ADGRG2: variants seen among roughly 807,000 people sequenced by gnomAD.
The protein encoded by ADGRG2 is adhesion G protein-coupled receptor G2.
In ADGRG2, 26 loss-of-function variants were observed where a neutral mutation model predicts 74.1. The ratio of observed to expected loss-of-function variants is 0.35; its 90% CI spans 0.26 to 0.49. The LOEUF is 0.49. Among genes scored for constraint, ADGRG2 ranks in the 20% least tolerant of loss-of-function variants. ADGRG2 has a pLI of 0.99. For synonymous variants in ADGRG2, 296 were observed against 295.2 expected, an observed-to-expected ratio of 1.00 and a Z score of -0.03; for missense variants, 619 against 763.1, an observed-to-expected ratio of 0.81 and a Z score of 2.22.
At position 19,058,480 on chromosome X, in the gene ADGRG2, G is replaced by A. The variant is rs1252903534; in HGVS notation, c.118+10237C>T. On this transcript the variant is annotated intron_variant, in intron 3 of 28. Transcript: ENST00000379869. ...TAATTGAAAGACAACAGAGCTATGT[G>A]TTCAATTCCTGTTCATTCAATTAAT... 2.7e-5 allele frequency among the ~76,000 whole-genome samples: 3 copies of A among 111,378 alleles called. No homozygotes were observed. In the East Asian group the frequency reaches 8.4e-4, roughly 31 times the overall value.
intron 3 of ADGRG2, among the ~76,000 whole-genome samples, chrX:19,050,763 C>T (rs957189883): frequency 1.3e-4 from 15 of 111,388 alleles, no homozygotes; most frequent in African/African-American, 4.9e-4. Context: ...TGTCCAGATC[C>T]CACCCCTGAT....
intron 15 of ADGRG2, among the ~76,000 whole-genome samples, chrX:19,018,293 GTTTT>G (rs749928491): frequency 2.9e-5 from 3 of 104,472 alleles, no homozygotes; most frequent in Admixed American, 1.0e-4. Flanking sequence ...TTGTTTGTTT[GTTTT>G]TTTTTAATTT....
At chrX:19,033,471 G>C (rs1172590515) in intron 8 of ADGRG2, 142 bp downstream of exon 8, 8 of 410,168 alleles carry the variant, frequency 2.0e-5, no homozygotes, top group Non-Finnish European at 3.0e-5. Flanking sequence ...CAGGTACCCA[G>C]TGCATACACA....
At chrX:19,035,024 C>G (rs1052541386) in intron 7 of ADGRG2, 1 of 112,057 alleles carries the variant, frequency 8.9e-6, no homozygotes, top group Non-Finnish European at 1.9e-5. Context: ...AAATGAACTT[C>G]TGGTTTTGGT....
intron 1 of ADGRG2, among the ~76,000 whole-genome samples, chrX:19,117,646 G>A (rs943176602): frequency 4.5e-5 from 5 of 110,159 alleles, no homozygotes; most frequent in African/African-American, 9.9e-5. Context: ...GCAAAACCCC[G>A]TCTCTACTAA....
At chrX:19,023,775 A>T (rs1037039432) in intron 12 of ADGRG2, 134 bp downstream of exon 12, 13 of 483,541 alleles carry the variant, frequency 2.7e-5, no homozygotes, top group Non-Finnish European at 4.7e-5. Context: ...GAATAAAAAA[A>T]CTAGTCCATT....
intron 3 of ADGRG2, among the ~76,000 whole-genome samples, chrX:19,054,406 C>T (rs1423529061): frequency 8.9e-6 from 1 of 112,015 alleles, no homozygotes; most frequent in African/African-American, 3.2e-5. Context: ...CTAGGGGTCA[C>T]AGGCTGGCTT....
At position 19,008,099 on chromosome X, in the gene ADGRG2, C is replaced by G; in HGVS notation, c.1447G>C (p.Glu483Gln). The change falls in exon 19 of 29, where the codon GAG becomes CAG. Residue 483 changes from glutamate to glutamine, a missense_variant. Coordinates refer to ENST00000379869, the MANE Select transcript of ADGRG2 (RefSeq NM_001079858.3). ...LQVSLETQAP[E>Q]NSIGTITLPS... is the part of the protein sequence containing the mutation. ...AGAGTAATTGTGCCAATACTGTTCT[C>G]AGGAGCTTGGGTTTCCAGAGAAACC... is the stretch of plus-strand genomic sequence containing the variant. 2 of 1,191,220 alleles carry G rather than the reference C, an allele frequency of 1.7e-6. No individual in the cohort carries two copies. Among genetic ancestry groups the G allele is most frequent in the South Asian group, 3.7e-5 (2 of 53,733 alleles).
chrX:19,026,164 A>G (rs1258506331), intron 11 of ADGRG2, among the ~76,000 whole-genome samples: 2 of 112,276 alleles, frequency 1.8e-5, no homozygotes, highest in Non-Finnish European at 3.8e-5. Context: ...GCATTGCTGA[A>G]TCATTAGATG....
At chrX:19,018,358 A>G (rs1448302325) in intron 15 of ADGRG2, among the ~76,000 whole-genome samples, 2 of 110,216 alleles carry the variant, frequency 1.8e-5, no homozygotes, top group African/African-American at 3.3e-5. Flanking sequence ...CTTGAGCTCA[A>G]GCAGTTCTCC....
chrX:19,013,111 G>A (rs1179316454), intron 16 of ADGRG2, among the ~76,000 whole-genome samples: 1 of 111,350 alleles, frequency 9.0e-6, no homozygotes, highest in African/African-American at 3.3e-5. Flanking sequence ...GGTCTTCACA[G>A]TGTTTCTCCC....
At chrX:19,060,885 T>C (rs767296401) in intron 3 of ADGRG2, among the ~76,000 whole-genome samples, 10 of 111,491 alleles carry the variant, frequency 9.0e-5, no homozygotes, top group African/African-American at 2.6e-4. Flanking sequence ...GTGATTCCAA[T>C]GTGCACCCAA....
At chrX:19,000,301 A>G (rs2060104708) in intron 24 of ADGRG2, among the ~76,000 whole-genome samples, 1 of 111,845 alleles carries the variant, frequency 8.9e-6, no homozygotes, top group African/African-American at 3.2e-5. Flanking sequence ...CCGGCTGGTC[A>G]CACCTAGTTC....
Position 19,010,626 on chromosome X carries a change from G to C in ADGRG2, c.1252C>G (p.Pro418Ala), listed in dbSNP as rs1325370295. 8.3e-7 allele frequency: 1 copy of C among 1,203,849 alleles called. No homozygotes were observed. The highest frequency in any genetic ancestry group is 1.1e-6 in the Non-Finnish European group (1 of 892,284). ...LLHSPPDMLAPLAQRLLKVVD... is the reference protein window; with the variant it reads ...LLHSPPDMLAALAQRLLKVVD... ...GCGAAGTCGTACCTTTGAGCCAGAG[G>C]GGCCAGCATGTCAGGCGGGGAATGA... The change falls in exon 17 of 29, where the codon CCT becomes GCT. Residue 418 changes from proline to alanine, a missense_variant. By Grantham distance (27) the Pro-to-Ala change is conservative (BLOSUM62 -1). Around this residue, in one of 3 missense-constraint regions of ADGRG2, gnomAD observed 292 missense variants for 318.0 expected, o/e 0.92. Coordinates refer to ENST00000379869, the MANE Select transcript of ADGRG2 (RefSeq NM_001079858.3).
chrX:18,998,274 A>G (rs2060054888), intron 26 of ADGRG2, among the ~76,000 whole-genome samples: 1 of 111,670 alleles, frequency 9.0e-6, no homozygotes, highest in East Asian at 2.8e-4. Flanking sequence ...TCCCACAGGC[A>G]CAGTCATGGT....
At chrX:18,992,925 A>C (rs1206412654) in intron 28 of ADGRG2, among the ~76,000 whole-genome samples, 1 of 111,905 alleles carries the variant, frequency 8.9e-6, no homozygotes. Context: ...ATGGATTCAG[A>C]GCCCCAGATG....
chrX:18,991,013 TAA>T lies in ADGRG2; in HGVS notation c.2903_2904del (p.Phe968Ter). ...NASTERNGVS[F>X]SVQNGDVCLH... ...AGGCACACATCTCCATTCTGAACAC[TAA>T]AAGAGACCCCATTCCTCTCTGTAGA... On this transcript the variant is annotated frameshift_variant, in exon 29 of 29. Coordinates refer to ENST00000379869, the MANE Select transcript of ADGRG2 (RefSeq NM_001079858.3). LOFTEE classifies it high-confidence loss of function. 8.3e-7 allele frequency: 1 copy of T among 1,198,936 alleles called. No homozygotes were observed. Among genetic ancestry groups the T allele is most frequent in the Non-Finnish European group, 1.1e-6 (1 of 886,851 alleles).
At chrX:19,017,668 G>A (rs923413688) in intron 15 of ADGRG2, among the ~76,000 whole-genome samples, 1 of 111,761 alleles carries the variant, frequency 8.9e-6, no homozygotes, top group Admixed American at 9.5e-5. Context: ...ACTTTTACCT[G>A]TTCCTCAAGG....
At chrX:19,117,744 G>A (rs761710300) in intron 1 of ADGRG2, among the ~76,000 whole-genome samples, 1 of 110,987 alleles carries the variant, frequency 9.0e-6, no homozygotes, top group East Asian at 2.8e-4. Flanking sequence ...CTGAACCCAG[G>A]AGGCGGAGGT....
Sources: gnomAD v4.1 joint callset for allele counts (sites outside exome capture counted in the v4.1 genomes callset) on GRCh38, gnomAD v4.1.1 for gene constraint, gnomAD v4.1.1 regional missense constraint, MANE v1.5 for transcripts, NCBI Gene and HGNC (gene_info 2026-07-23, HGNC 2026-07-21) for gene names.